The following NFATC1 variants were observed in gnomAD, a reference collection of about 807,000 sequenced individuals.
The protein encoded by NFATC1 is nuclear factor of activated T cells 1.
Under a neutral mutation model 76.0 loss-of-function variants are expected in NFATC1, and 22 were observed. The observed-to-expected ratio is 0.29, with a 90% CI of 0.21 to 0.41. The LOEUF (loss-of-function observed/expected upper bound fraction) is 0.41. NFATC1 is among the 10% of genes least tolerant of loss of function. The probability of loss-of-function intolerance (pLI) is 1.00; values close to 1 mark genes in which losing one functional copy is unlikely to be tolerated. For synonymous variants in NFATC1, 704 were observed against 613.1 expected, an observed-to-expected ratio of 1.15 and a Z score of -2.19; for missense variants, 1,357 against 1,337.7, an observed-to-expected ratio of 1.01 and a Z score of -0.23.
intron 2 of NFATC1, among the ~76,000 whole-genome samples, chr18:79,416,461 C>T (rs1409494450): frequency 8.0e-6 from 1 of 124,690 alleles, no homozygotes; most frequent in Non-Finnish European, 1.7e-5. Flanking sequence ...CATCTCTGGG[C>T]TCTGGAGCCA....
Position 79,527,796 on chromosome 18 carries a change from C to A in NFATC1, c.*219C>A. 2 of 585,260 alleles carry A rather than the reference C, an allele frequency of 3.4e-6. No individual in the cohort carries two copies. Among genetic ancestry groups the A allele is most frequent in the Non-Finnish European group, 6.1e-6 (2 of 330,214 alleles). 36.3% of individuals were successfully genotyped at this position (585,260 alleles called of 1,614,324 possible). On this transcript the variant is annotated 3_prime_UTR_variant, in exon 10 of 10. Coordinates refer to ENST00000427363, the MANE Select transcript of NFATC1 (RefSeq NM_001278669.2). ...GTGTCACCTGGAGGAGAAGTCATCT[C>A]ATGACAACAGAAGGGAGGTGGCCGG... is the stretch of plus-strand genomic sequence containing the variant.
chr18:79,513,646 G>A (rs1667702), intron 9 of NFATC1, among the ~76,000 whole-genome samples: 106,547 of 151,796 alleles, frequency 0.7, 38,266 homozygotes, highest in Non-Finnish European at 0.79. Context: ...AGTGTCCCTG[G>A]GGCATGGGGG....
chr18:79,431,556 TTTTA>T (rs1025105324), intron 2 of NFATC1, among the ~76,000 whole-genome samples: 5 of 152,054 alleles, frequency 3.3e-5, no homozygotes, highest in African/African-American at 1.2e-4. Context: ...CTGCTCATGT[TTTTA>T]TTTTTTGTTT....
intron 5 of NFATC1, 29 bp downstream of exon 5, chr18:79,451,155 G>T: frequency 6.3e-7 from 1 of 1,594,464 alleles, no homozygotes; most frequent in Non-Finnish European, 8.6e-7. Context: ...GCCCACAGGG[G>T]AGGAAACCGT....
chr18:79,510,915 G>C (rs2090232955), intron 9 of NFATC1, among the ~76,000 whole-genome samples: 1 of 152,126 alleles, frequency 6.6e-6, no homozygotes, highest in African/African-American at 2.4e-5. Context: ...CCTCCACCGG[G>C]GGCTCCTCCG....
chr18:79,415,799 C>T (rs1232071239), intron 2 of NFATC1, among the ~76,000 whole-genome samples: 2 of 151,944 alleles, frequency 1.3e-5, no homozygotes, highest in Non-Finnish European at 2.9e-5. Flanking sequence ...CAGTGGCTCA[C>T]GCCTGTAATC....
At position 79,411,238 on chromosome 18, in the gene NFATC1, C is replaced by T. The variant is rs759879240; in HGVS notation, c.963C>T (p.Thr321=). The change falls in exon 2 of 10, where the codon ACC becomes ACT. Residue 321 remains threonine (T), a synonymous_variant. Coordinates refer to ENST00000427363, the MANE Select transcript of NFATC1 (RefSeq NM_001278669.2). ...AIVAAINALT[T]DSSLDLGDGV... Reference sequence around the variant, plus strand: ...TGGCCGCCATCAACGCGCTGACCACCGACAGCAGCCTGGACCTGGGAGATG... The same window carrying T: ...TGGCCGCCATCAACGCGCTGACCACTGACAGCAGCCTGGACCTGGGAGATG... The T allele has an allele frequency of 2.8e-5, 45 of 1,603,852 alleles. No homozygotes were observed. Among genetic ancestry groups the T allele is most frequent in the East Asian group, 2.0e-4 (9 of 44,876 alleles).
chr18:79,401,677 CTCTT>C (rs2085262759), intron 1 of NFATC1, among the ~76,000 whole-genome samples: 1 of 152,368 alleles, frequency 6.6e-6, no homozygotes, highest in African/African-American at 2.4e-5. Flanking sequence ...CTCCCGACCT[CTCTT>C]TATGGGGTGA....
rs1367020872 is a variant in NFATC1 at position 79,522,451 on chromosome 18, G to A, written c.2783-5077G>A. Among the ~76,000 whole-genome samples the A allele has an allele frequency of 3.6e-5, 4 of 111,426 alleles. No homozygotes were observed. The East Asian group carries it at 1.2e-3, about 33-fold the overall frequency. 73.1% of individuals were successfully genotyped at this position (111,426 alleles called of 152,430 possible). On this transcript the variant is annotated intron_variant, in intron 9 of 9. Transcript: ENST00000427363. Reference sequence around the variant, plus strand: ...GGTGTGTGTGTTTTGTGTGTGTGTTGGGGGGGTGCGTCTACTGATGTCTGT... The same window carrying A: ...GGTGTGTGTGTTTTGTGTGTGTGTTAGGGGGGTGCGTCTACTGATGTCTGT...
chr18:79,433,866 C>T (rs1180045747), intron 3 of NFATC1, 128 bp downstream of exon 3: 2 of 1,200,146 alleles, frequency 1.7e-6, no homozygotes, highest in Non-Finnish European at 2.2e-6. Context: ...GTGGTTAGTC[C>T]CGGGCGGCTG....
chr18:79,515,626 AAAG>A (rs995259592), intron 9 of NFATC1, among the ~76,000 whole-genome samples: 3 of 151,840 alleles, frequency 2.0e-5, no homozygotes, highest in African/African-American at 4.8e-5. Flanking sequence ...GCCACCCTAC[AAAG>A]AAGGAGGCCG....
At chr18:79,499,015 A>G (rs1010188212) in intron 9 of NFATC1, among the ~76,000 whole-genome samples, 1 of 152,246 alleles carries the variant, frequency 6.6e-6, no homozygotes, top group African/African-American at 2.4e-5. Context: ...GACATATTAA[A>G]GGGAGTCCTT....
intron 2 of NFATC1, among the ~76,000 whole-genome samples, chr18:79,420,583 AGAGGGG>A (rs1291727710): frequency 2.0e-5 from 3 of 151,454 alleles, no homozygotes; most frequent in African/African-American, 7.3e-5. Context: ...ACAGACAGGA[AGAGGGG>A]GATGCGTTTC....
chr18:79,449,025 A>T (rs776468971), intron 4 of NFATC1, 41 bp downstream of exon 4: 114 of 1,598,396 alleles, frequency 7.1e-5, no homozygotes, highest in Non-Finnish European at 9.6e-5. Context: ...AGGGGGCGGT[A>T]GGAGGGGGCG....
In NFATC1 at chr18:79,527,777, C is replaced by A; in HGVS notation, c.*200C>A. On this transcript the variant is annotated 3_prime_UTR_variant, in exon 10 of 10. Transcript: ENST00000427363. ...GGGAGGAAGGGAGACCACTGTGTCA[C>A]CTGGAGGAGAAGTCATCTCATGACA... The A allele has an allele frequency of 1.7e-6, 1 of 595,458 alleles. No homozygotes were observed. 36.9% of individuals were successfully genotyped at this position (595,458 alleles called of 1,614,324 possible).
intron 8 of NFATC1, chr18:79,470,954 A>G (rs1241096403): frequency 6.6e-6 from 1 of 152,068 alleles, no homozygotes; most frequent in Non-Finnish European, 1.5e-5. Context: ...TCCCAGCAGA[A>G]TGTATGAGCC....
chr18:79,426,789 G>C (rs988813927), intron 2 of NFATC1, among the ~76,000 whole-genome samples: 40 of 152,242 alleles, frequency 2.6e-4, no homozygotes, highest in Admixed American at 1.1e-3. Context: ...GCGGGAAGCT[G>C]GGGGGAGGCA....
At chr18:79,431,777 A>G (rs1178775230) in intron 2 of NFATC1, among the ~76,000 whole-genome samples, 1 of 152,044 alleles carries the variant, frequency 6.6e-6, no homozygotes, top group Non-Finnish European at 1.5e-5. Context: ...ATCTCGGCTC[A>G]CTGCAACCTC....
At chr18:79,427,885 A>ACGGCTGGCCTCTGTGCT (rs2086445376) in intron 2 of NFATC1, among the ~76,000 whole-genome samples, 1 of 8,136 alleles carries the variant, frequency 1.2e-4, no homozygotes, top group Non-Finnish European at 2.6e-4. Context: ...GCCTCTGTGC[A>ACGGCTGGCCTCTGTGCT]GTGAGTCGGG....
Sources: gnomAD v4.1 joint callset for allele counts (sites outside exome capture counted in the v4.1 genomes callset) on GRCh38, gnomAD v4.1.1 for gene constraint, MANE v1.5 for transcripts, NCBI Gene and HGNC (gene_info 2026-07-23, HGNC 2026-07-21) for gene names.